ANKRD50: variants seen among roughly 807,000 people sequenced by gnomAD.
ANKRD50 encodes the protein ankyrin repeat domain-containing protein 50.
Under a neutral mutation model 112.0 loss-of-function variants are expected in ANKRD50, and 40 were observed. The ratio of observed to expected loss-of-function variants is 0.36; its 90% CI spans 0.28 to 0.46. ANKRD50 has a LOEUF of 0.46. Among genes scored for constraint, ANKRD50 ranks in the 20% least tolerant of loss-of-function variants. ANKRD50 has a pLI of 1.00. For synonymous variants in ANKRD50, 613 were observed against 619.1 expected (o/e 0.99, Z 0.15); for missense variants, 1,487 against 1,701.7 (o/e 0.87, Z 2.22).
At position 124,673,813 on chromosome 4, in the gene ANKRD50, A is replaced by G. The variant is rs114006791; in HGVS notation, c.743-1279T>C. On this transcript the variant is annotated intron_variant, in intron 3 of 4. Coordinates refer to ENST00000504087, the MANE Select transcript of ANKRD50 (RefSeq NM_020337.3). Reference sequence around the variant, plus strand: ...AAAAACAACCTACCAAGAATAAAATATGAATAACAGTTGTACTAATATAGC... The same window carrying G: ...AAAAACAACCTACCAAGAATAAAATGTGAATAACAGTTGTACTAATATAGC... Among the ~76,000 whole-genome samples the G allele has an allele frequency of 3.6e-3, 551 of 152,244 alleles. 5 individuals are homozygous for G. Among genetic ancestry groups the G allele is most frequent in the African/African-American group, 0.013 (528 of 41,558 alleles).
intron 2 of ANKRD50, among the ~76,000 whole-genome samples, chr4:124,685,892 CAG>C (rs1724995848): frequency 6.6e-6 from 1 of 152,008 alleles, no homozygotes. Flanking sequence ...TAAAAAGTGA[CAG>C]ATAAAATTAT....
In ANKRD50 at chr4:124,666,064, G is replaced by T. The variant is rs1730482258; in HGVS notation, c.*1454C>A. On this transcript the variant is annotated 3_prime_UTR_variant, in exon 5 of 5. Transcript: ENST00000504087. ...ATTCCTCATCAACAGTACATGAAAA[G>T]AACAGAATTTCTGGGTTCTATAAGA... 6.6e-6 allele frequency: 1 copy of T among 151,942 alleles called. No homozygotes were observed. Among genetic ancestry groups the T allele is most frequent in the Admixed American group, 6.6e-5 (1 of 15,218 alleles). The allele number at this position is 151,942 out of a possible 1,614,324, so 9.4% of individuals were successfully genotyped here. A position where few individuals can be genotyped will look rare whatever the true frequency, so the allele number is the denominator to read the frequency against.
rs1195418384 is a variant in ANKRD50 at position 124,705,566 on chromosome 4, C to T, written c.512+4434G>A. On this transcript the variant is annotated intron_variant, in intron 2 of 4. Transcript: ENST00000504087. Reference sequence around the variant, plus strand: ...AACAAAAATTTGTATTTCCCAACACCATATCCTTTTAAATCTCCAAAACGA... The same window carrying T: ...AACAAAAATTTGTATTTCCCAACACTATATCCTTTTAAATCTCCAAAACGA... Among the ~76,000 whole-genome samples, 5 of 152,058 alleles carry T rather than the reference C, an allele frequency of 3.3e-5. No individual in the cohort carries two copies. The East Asian group carries it at 9.6e-4, about 29-fold the overall frequency.
intron 1 of ANKRD50, among the ~76,000 whole-genome samples, chr4:124,711,815 C>T (rs1383297357): frequency 1.3e-5 from 2 of 151,790 alleles, no homozygotes; most frequent in Non-Finnish European, 2.9e-5. Flanking sequence ...AATGATAAAG[C>T]AAACACAAGT....
intron 1 of ANKRD50, among the ~76,000 whole-genome samples, chr4:124,712,124 C>G (rs1213960145): frequency 6.6e-6 from 1 of 152,144 alleles, no homozygotes; most frequent in Non-Finnish European, 1.5e-5. Context: ...GCCTCCACAC[C>G]GAGGTCTGCC....
intron 2 of ANKRD50, among the ~76,000 whole-genome samples, chr4:124,689,528 T>A (rs2110518684): frequency 6.6e-6 from 1 of 152,310 alleles, no homozygotes; most frequent in African/African-American, 2.4e-5. Flanking sequence ...GGTGGTGGCC[T>A]TCATCCAATC....
Position 124,710,984 on chromosome 4 carries a change from G to C in ANKRD50, c.-473C>G. 2.5e-6 allele frequency: 1 copy of C among 404,228 alleles called. No individual in the cohort carries two copies. Among genetic ancestry groups the C allele is most frequent in the Non-Finnish European group, 4.4e-6 (1 of 227,930 alleles). 25.0% of individuals were successfully genotyped at this position (404,228 alleles called of 1,614,324 possible). On this transcript the variant is annotated 5_prime_UTR_variant, in exon 2 of 5. Transcript: ENST00000504087. The stretch of plus-strand genomic sequence containing the variant: ...GTCCACTGCATTAAATGGCATCAGA[G>C]AGATTACATTTATACGGTATGAGGT...
At chr4:124,686,468 C>T (rs1343097516) in intron 2 of ANKRD50, among the ~76,000 whole-genome samples, 1 of 152,110 alleles carries the variant, frequency 6.6e-6, no homozygotes, top group Non-Finnish European at 1.5e-5. Flanking sequence ...ACCACCCTGG[C>T]TGGGAAAGGT....
At position 124,710,699 on chromosome 4, in the gene ANKRD50, T is replaced by C. The variant is rs1229665752; in HGVS notation, c.-188A>G. 4.4e-6 allele frequency: 3 copies of C among 685,952 alleles called. No homozygotes were observed. The highest frequency in any genetic ancestry group is 4.1e-4 in the Middle Eastern group (1 of 2,462). 42.5% of individuals were successfully genotyped at this position (685,952 alleles called of 1,614,324 possible). A position where few individuals can be genotyped will look rare whatever the true frequency, so the allele number is the denominator to read the frequency against. On this transcript the variant is annotated 5_prime_UTR_variant, in exon 2 of 5. Coordinates refer to ENST00000504087, the MANE Select transcript of ANKRD50 (RefSeq NM_020337.3). ...ACTTTATTTGGTTCCTTATTCTTGA[T>C]CAGCAGTCTATGTATTAGTTGTTGA...
chr4:124,700,723 A>T lies in ANKRD50; in HGVS notation c.512+9277T>A, dbSNP rs117287037. Among the ~76,000 whole-genome samples, 580 of 152,330 alleles carry T rather than the reference A, an allele frequency of 3.8e-3. 10 individuals carry two copies. The East Asian group carries it at 0.042, about 11-fold the overall frequency. On this transcript the variant is annotated intron_variant, in intron 2 of 4. Coordinates refer to ENST00000504087, the MANE Select transcript of ANKRD50 (RefSeq NM_020337.3). The stretch of plus-strand genomic sequence containing the variant: ...TGTGACTTAAAGTAACAAGCATTTT[A>T]GCTTTCTTCTGCATCTCTGCTCTTG...
intron 2 of ANKRD50, among the ~76,000 whole-genome samples, chr4:124,690,868 T>C (rs1476453849): frequency 6.6e-6 from 1 of 152,188 alleles, no homozygotes; most frequent in Non-Finnish European, 1.5e-5. Context: ...ACGAATCAAT[T>C]GTGGCTCATG....
chr4:124,701,726 T>C (rs1725396880), intron 2 of ANKRD50, among the ~76,000 whole-genome samples: 1 of 151,902 alleles, frequency 6.6e-6, no homozygotes, highest in Non-Finnish European at 1.5e-5. Flanking sequence ...GGGGTCTCAC[T>C]GTGTTGCCAG....
In ANKRD50 at chr4:124,669,733, T is replaced by G; in HGVS notation, c.3544A>C (p.Asn1182His). 1 of 1,613,356 alleles carries G rather than the reference T, an allele frequency of 6.2e-7. No homozygotes were observed. Among genetic ancestry groups the G allele is most frequent in the Non-Finnish European group, 8.5e-7 (1 of 1,179,770 alleles). ...GAATTTTTTGAGCTTTTCAGGGAAT[T>G]ATTTGACAGTGATGACTTCTGCCGG... Reference protein sequence around the residue: ...VDRQKSSLSNNSLKSSKNSSL... With the variant: ...VDRQKSSLSNHSLKSSKNSSL... Residue 1182 changes from asparagine to histidine, a missense_variant, in exon 4 of 5, where the codon AAT becomes CAT. By Grantham distance (68) the Asn-to-His change is moderately conservative. Coordinates refer to ENST00000504087, the MANE Select transcript of ANKRD50 (RefSeq NM_020337.3).
chr4:124,694,591 A>G (rs559778037), intron 2 of ANKRD50, among the ~76,000 whole-genome samples: 1 of 152,306 alleles, frequency 6.6e-6, no homozygotes, highest in African/African-American at 2.4e-5. Context: ...TAATAATGAA[A>G]GAAAGATGAA....
chr4:124,694,086 AT>A (rs1234660491), intron 2 of ANKRD50, among the ~76,000 whole-genome samples: 10 of 152,234 alleles, frequency 6.6e-5, no homozygotes, highest in African/African-American at 1.9e-4. Context: ...TACCCATCCA[AT>A]AAAGTAAAGC....
chr4:124,709,671 T>C (rs991590592), intron 2 of ANKRD50, among the ~76,000 whole-genome samples: 2 of 151,884 alleles, frequency 1.3e-5, no homozygotes, highest in African/African-American at 4.8e-5. Context: ...CCTCTGAAAA[T>C]GTAACCTATT....
Position 124,666,881 on chromosome 4 carries a change from C to A in ANKRD50, c.*637G>T, listed in dbSNP as rs992081362. On this transcript the variant is annotated 3_prime_UTR_variant, in exon 5 of 5. Transcript: ENST00000504087. ...TCTACTGGGAAAATCCAGATTTAAA[C>A]TACTTAAAGCAGCTCCCTAAACTAC... 3 of 152,316 alleles carry A rather than the reference C, an allele frequency of 2.0e-5. No homozygotes were observed. Among genetic ancestry groups the A allele is most frequent in the African/African-American group, 7.2e-5 (3 of 41,426 alleles). The allele number at this position is 152,316 out of a possible 1,614,324, so 9.4% of individuals were successfully genotyped here.
At chr4:124,694,658 G>C (rs1725209915) in intron 2 of ANKRD50, among the ~76,000 whole-genome samples, 1 of 152,136 alleles carries the variant, frequency 6.6e-6, no homozygotes, top group Admixed American at 6.5e-5. Flanking sequence ...GCAGCAGGGA[G>C]CACATAAAGT....
At chr4:124,695,403 C>T (rs768168091) in intron 2 of ANKRD50, among the ~76,000 whole-genome samples, 4 of 152,128 alleles carry the variant, frequency 2.6e-5, no homozygotes, top group Non-Finnish European at 5.9e-5. Flanking sequence ...ACCAGGAGAA[C>T]CAAACCGGCA....
Sources: allele counts gnomAD v4.1 joint callset (sites outside exome capture counted in the v4.1 genomes callset), GRCh38; gene constraint gnomAD v4.1.1; transcripts MANE v1.5; gene names NCBI Gene and HGNC (gene_info 2026-07-23, HGNC 2026-07-21).